Variants in SH3TC1 observed in about 807,000 individuals in gnomAD.
SH3TC1 encodes the protein SH3 domain and tetratricopeptide repeats 1.
A neutral mutation model predicts 117.3 loss-of-function variants in SH3TC1; 135 were observed. That is an observed-to-expected ratio of 1.15 (90% CI 1.00 to 1.33). The LOEUF (loss-of-function observed/expected upper bound fraction) is 1.33, where lower values mean the gene tolerates loss of function less well. Ranked by LOEUF, SH3TC1 falls within the 40% of genes most tolerant of loss-of-function variation. The probability of loss-of-function intolerance (pLI) is 0.00; values close to 1 mark genes in which losing one functional copy is unlikely to be tolerated. For missense variants in SH3TC1, 2,092 were observed against 1,794.3 expected, an observed-to-expected ratio of 1.17 and a Z score of -3.00; for synonymous variants, 898 against 816.9, an observed-to-expected ratio of 1.10 and a Z score of -1.69.
In SH3TC1 at chr4:8,240,699, ACC is replaced by A. The variant is rs1262775793; in HGVS notation, c.3757_3758del (p.Pro1253ValfsTer2). 6.2e-7 allele frequency: 1 copy of A among 1,613,878 alleles called. No homozygotes were observed. The highest frequency in any genetic ancestry group is 8.5e-7 in the Non-Finnish European group (1 of 1,180,016). The stretch of plus-strand genomic sequence containing the variant: ...CTGAGCATGGCCTGTCCCCTTCAGG[ACC>A]CGTTTGATGCAGCCGGGTACTACCA... On this transcript the variant is annotated frameshift_variant and splice_region_variant, in exon 18 of 18. Coordinates refer to ENST00000245105, the MANE Select transcript of SH3TC1 (RefSeq NM_018986.5). LOFTEE classifies it low-confidence loss of function (END_TRUNC).
intron 12 of SH3TC1, among the ~76,000 whole-genome samples, chr4:8,229,805 G>A (rs951119942): frequency 2.0e-5 from 3 of 152,228 alleles, no homozygotes; most frequent in African/African-American, 4.8e-5. Flanking sequence ...AGCAGCCTCC[G>A]GTGGGTCCTG....
chr4:8,228,935 G>T (rs1276088782), intron 12 of SH3TC1, among the ~76,000 whole-genome samples: 1 of 152,176 alleles, frequency 6.6e-6, no homozygotes, highest in East Asian at 1.9e-4. Context: ...AACGGGCGGT[G>T]GGTCACCCTA....
chr4:8,208,529 G>A (rs1471501166), intron 2 of SH3TC1, among the ~76,000 whole-genome samples: 8 of 152,076 alleles, frequency 5.3e-5, no homozygotes, highest in East Asian at 3.9e-4. Context: ...CACCCTGCCC[G>A]GCTAATTTTT....
At position 8,214,519 on chromosome 4, in the gene SH3TC1, G is replaced by A; in HGVS notation, c.420G>A (p.Arg140=). 1 of 1,613,990 alleles carries A rather than the reference G, an allele frequency of 6.2e-7. No individual in the cohort carries two copies. The highest frequency in any genetic ancestry group is 8.5e-7 in the Non-Finnish European group (1 of 1,179,982). Residue 140 remains arginine (R), a synonymous_variant, in exon 5 of 18, where the codon CGG becomes CGA. Coordinates refer to ENST00000245105, the MANE Select transcript of SH3TC1 (RefSeq NM_018986.5). ...TGTCCATCCACAGTGACCAGGACCG[G>A]ATCGTGGTGACGTTTAAGACTTTTG... ...RLLSIHSDQD[R]IVVTFKTFEE...
At position 8,216,128 on chromosome 4, in the gene SH3TC1, C is replaced by T. The variant is rs758408435; in HGVS notation, c.499C>T (p.Leu167=). Residue 167 remains leucine, a synonymous_variant, in exon 6 of 18, where the codon CTG becomes TTG. Transcript: ENST00000245105. The part of the protein sequence containing the change: ...YHALGFTHHC[L]ANLLMDQAFW... Reference sequence around the variant, plus strand: ...CTCCACAGGCTTCACTCATCACTGCCTGGCAAACCTGCTCATGGACCAGGC... The same window carrying T: ...CTCCACAGGCTTCACTCATCACTGCTTGGCAAACCTGCTCATGGACCAGGC... The T allele has an allele frequency of 6.2e-7, 1 of 1,613,456 alleles. No individual in the cohort carries two copies. Among genetic ancestry groups the T allele is most frequent in the South Asian group, 1.1e-5 (1 of 91,034 alleles).
chr4:8,236,281 C>A lies in SH3TC1; in HGVS notation c.3409C>A (p.Arg1137=), dbSNP rs61740112. Reference sequence around the variant, plus strand: ...ACCCCACCTGCCTGTGTGGCAGGACCGGGCCCTGCCCCTGGCAGTGACTAC... The same window carrying A: ...ACCCCACCTGCCTGTGTGGCAGGACAGGGCCCTGCCCCTGGCAGTGACTAC... ...REKAVSFYRD[R]ALPLAVTTGN... The change falls in exon 16 of 18, where the codon CGG becomes AGG. Residue 1137 remains arginine, a synonymous_variant. Transcript: ENST00000245105. 1 of 1,550,018 alleles carries A rather than the reference C, an allele frequency of 6.5e-7. No homozygotes were observed. The highest frequency in any genetic ancestry group is 2.2e-4 in the Middle Eastern group (1 of 4,646).
intron 1 of SH3TC1, among the ~76,000 whole-genome samples, chr4:8,188,205 A>T (rs1281113): frequency 6.6e-6 from 1 of 152,156 alleles, no homozygotes; most frequent in African/African-American, 2.4e-5. Flanking sequence ...CCCCTTTCCC[A>T]ACCCCTCTGC....
intron 11 of SH3TC1, among the ~76,000 whole-genome samples, chr4:8,226,468 A>G (rs988227471): frequency 1.4e-4 from 21 of 152,212 alleles, no homozygotes; most frequent in Non-Finnish European, 2.4e-4. Flanking sequence ...GGGTAGCTTT[A>G]CCAATTTTGC....
chr4:8,236,202 C>A, intron 15 of SH3TC1, 76 bp from the exon 16 acceptor site: 5 of 1,451,346 alleles, frequency 3.4e-6, no homozygotes, highest in Non-Finnish European at 4.6e-6. Context: ...GCTCCGAGCA[C>A]ATGTTTGAGC....
intron 1 of SH3TC1, among the ~76,000 whole-genome samples, chr4:8,203,807 C>A (rs1717992814): frequency 6.6e-6 from 1 of 152,148 alleles, no homozygotes; most frequent in Admixed American, 6.5e-5. Context: ...TCCTGCCTCC[C>A]CTTCACAGCT....
intron 12 of SH3TC1, 87 bp from the exon 13 acceptor site, chr4:8,231,889 G>T: frequency 1.3e-6 from 2 of 1,484,082 alleles, no homozygotes; most frequent in Non-Finnish European, 9.1e-7. Flanking sequence ...GTGTGAAAGA[G>T]GCAAGCACAC....
intron 9 of SH3TC1, among the ~76,000 whole-genome samples, chr4:8,220,964 T>C (rs775942361): frequency 7.9e-5 from 12 of 152,244 alleles, no homozygotes; most frequent in Non-Finnish European, 7.3e-5. Flanking sequence ...CATCATGCCC[T>C]AAGGAGTGGG....
chr4:8,229,449 G>A (rs1452051344), intron 12 of SH3TC1, among the ~76,000 whole-genome samples: 2 of 113,944 alleles, frequency 1.8e-5, no homozygotes, highest in Non-Finnish European at 3.7e-5. Context: ...TGAGTGAGCA[G>A]GGGGTGAGTG....
In SH3TC1 at chr4:8,227,307, A is replaced by T; in HGVS notation, c.1613A>T (p.Glu538Val). The T allele has an allele frequency of 1.2e-6, 2 of 1,610,164 alleles. No individual in the cohort carries two copies. Among genetic ancestry groups the T allele is most frequent in the African/African-American group, 2.7e-5 (2 of 74,972 alleles). The stretch of plus-strand genomic sequence containing the variant: ...TTCCGCAGCTTCAGCGACGAGGAGG[A>T]GCTGACTGGGCGCCTGGCACAGGCC... ...SVFRSFSDEEELTGRLAQARG... is the reference protein window; with the variant it reads ...SVFRSFSDEEVLTGRLAQARG... The change falls in exon 12 of 18, where the codon GAG (glutamate) becomes GTG (valine). Residue 538 changes from glutamate (E) to valine (V), a missense_variant. Transcript: ENST00000245105.
Position 8,235,513 on chromosome 4 carries a change from C to T in SH3TC1, c.3363C>T (p.Phe1121=), listed in dbSNP as rs146468350. 37 of 1,606,874 alleles carry T rather than the reference C, an allele frequency of 2.3e-5. No individual in the cohort carries two copies. Among genetic ancestry groups the T allele is most frequent in the African/African-American group, 9.4e-5 (7 of 74,848 alleles). ...ELFEAAGDIF[F]DGAWEREKAV... is the part of the protein sequence containing the mutation. The stretch of plus-strand genomic sequence containing the variant: ...TTGAGGCGGCTGGAGACATCTTCTT[C>T]GACGGGGCCTGGGAGCGGGAGAAAG... The change falls in exon 15 of 18, where the codon TTC becomes TTT. Residue 1121 remains phenylalanine, a synonymous_variant. Coordinates refer to ENST00000245105, the MANE Select transcript of SH3TC1 (RefSeq NM_018986.5).
chr4:8,202,755 C>T (rs1717924271), intron 1 of SH3TC1, among the ~76,000 whole-genome samples: 1 of 152,206 alleles, frequency 6.6e-6, no homozygotes, highest in Non-Finnish European at 1.5e-5. Flanking sequence ...GTGGGATTCC[C>T]TCCCCGGCCA....
At chr4:8,236,788 A>C in intron 16 of SH3TC1, 6 of 204,012 alleles carry the variant, frequency 2.9e-5, no homozygotes, top group Non-Finnish European at 3.9e-5. Flanking sequence ...CTCATCAACC[A>C]CACGGCTCTG....
rs1720334294 is a variant in SH3TC1 at position 8,225,082 on chromosome 4, T to C, written c.1244-93T>C. On this transcript the variant is annotated intron_variant, in intron 10 of 17. Transcript: ENST00000245105. The surrounding 1 kb of genome is among the most constrained non-coding windows in gnomAD (Gnocchi z 5.5). The stretch of plus-strand genomic sequence containing the variant: ...CCTCAATACCTGCACCCAGCAATGC[T>C]CTCACCCTGCAACATCGACACTAGC... The C allele has an allele frequency of 6.8e-6, 10 of 1,476,992 alleles. No homozygotes were observed. The South Asian group carries it at 1.2e-4, about 17-fold the overall frequency. 91.5% of individuals were successfully genotyped at this position (1,476,992 alleles called of 1,614,324 possible). A position where few individuals can be genotyped will look rare whatever the true frequency, so the allele number is the denominator to read the frequency against.
At chr4:8,217,269 C>A in intron 7 of SH3TC1, 102 bp downstream of exon 7, 1 of 1,403,930 alleles carries the variant, frequency 7.1e-7, no homozygotes, top group Non-Finnish European at 9.8e-7. Context: ...ATGGTGGGGG[C>A]CCCGGACAGA....
Sources: allele counts gnomAD v4.1 joint callset (sites outside exome capture counted in the v4.1 genomes callset), GRCh38; gene constraint gnomAD v4.1.1; non-coding constraint Gnocchi (gnomAD v3.1); transcripts MANE v1.5; gene names NCBI Gene and HGNC (gene_info 2026-07-23, HGNC 2026-07-21).